The following LMBRD2 variants were observed in gnomAD, a reference collection of about 807,000 sequenced individuals.
LMBRD2 encodes the protein G protein-coupled receptor-associated protein LMBRD2.
In LMBRD2, 55 loss-of-function variants were observed where a neutral mutation model predicts 94.4. That is an observed-to-expected ratio of 0.58 (90% confidence interval 0.47 to 0.73). LMBRD2 has a LOEUF of 0.73. Ranked by LOEUF, LMBRD2 falls within the 30% of genes least tolerant of loss-of-function variation. The probability of loss-of-function intolerance (pLI) is 0.00; values close to 1 mark genes in which losing one functional copy is unlikely to be tolerated. For missense variants in LMBRD2, 640 were observed against 831.9 expected (o/e 0.77, Z 2.84); for synonymous variants, 246 against 272.4 (o/e 0.90, Z 0.95).
intron 16 of LMBRD2, 67 bp downstream of exon 16, chr5:36,108,462 CTAACA>C: frequency 1.5e-6 from 1 of 677,120 alleles, no homozygotes; most frequent in Non-Finnish European, 2.5e-6. Context: ...TGTGTGTATT[CTAACA>C]CTCAATCTCT....
chr5:36,142,890 A>T (rs1045140868), intron 2 of LMBRD2: 10 of 368,234 alleles, frequency 2.7e-5, no homozygotes, highest in African/African-American at 6.4e-5. Flanking sequence ...ACGTCCGGCT[A>T]TTTTTTTTGT....
rs1743371737 is a variant in LMBRD2, at chr5:36,102,669, TA to T, written c.*1376del. The T allele has an allele frequency of 6.6e-6, 1 of 151,656 alleles. No individual in the cohort carries two copies. The highest frequency in any genetic ancestry group is 1.5e-5 in the Non-Finnish European group (1 of 67,728). The allele number at this position is 151,656 out of a possible 1,614,324, so 9.4% of individuals were successfully genotyped here. On this transcript the variant is annotated 3_prime_UTR_variant, in exon 18 of 18. Transcript: ENST00000296603. ...AAAAAACTTACATGATAATATTTAT[TA>T]AAAATAAAAATAAAAATTTTAAATT...
intron 16 of LMBRD2, among the ~76,000 whole-genome samples, chr5:36,107,715 A>G (rs1056959026): frequency 6.6e-6 from 1 of 152,194 alleles, no homozygotes; most frequent in Non-Finnish European, 1.5e-5. Flanking sequence ...TAGTCCCTGC[A>G]TGGATATGGA....
intron 6 of LMBRD2, among the ~76,000 whole-genome samples, chr5:36,130,092 C>T (rs545476260): frequency 7.1e-4 from 108 of 152,044 alleles, no homozygotes; most frequent in Admixed American, 5.9e-3. Context: ...ATGTAAATGA[C>T]GAGTTAATGG....
chr5:36,117,894 C>A lies in LMBRD2; in HGVS notation c.1143G>T (p.Leu381Phe), dbSNP rs1162072883. The change falls in exon 10 of 18, where the codon TTG becomes TTT. Residue 381 changes from leucine (L) to phenylalanine (F), a missense_variant. Leu to Phe is a conservative substitution (Grantham distance 22, BLOSUM62 0). Transcript: ENST00000296603. ...PTFEWYWECL[L>F]RPWFYKILAV... ...CAAGTATCTTGTAAAACCATGGTCGCAAAAGACATTCCCAGTACCATTCTA... is the reference window on the plus strand; with the variant it reads ...CAAGTATCTTGTAAAACCATGGTCGAAAAAGACATTCCCAGTACCATTCTA... 6.2e-7 allele frequency: 1 copy of A among 1,610,320 alleles called. No individual in the cohort carries two copies.
Position 36,117,756 on chromosome 5 carries a change from T to A in LMBRD2, c.1281A>T (p.Thr427=), listed in dbSNP as rs148342800. 1 of 1,605,338 alleles carries A rather than the reference T, an allele frequency of 6.2e-7. No homozygotes were observed. The highest frequency in any genetic ancestry group is 1.3e-5 in the African/African-American group (1 of 74,542). The change falls in exon 10 of 18, where the codon ACA becomes ACT. Residue 427 remains threonine, a synonymous_variant. Transcript: ENST00000296603. Reference sequence around the variant, plus strand: ...TGACCTCGATATAAATATAATTATATGTTTTTTCTGCCAGCTGTATGAAGA... The same window carrying A: ...TGACCTCGATATAAATATAATTATAAGTTTTTTCTGCCAGCTGTATGAAGA... ...FAVFIQLAEK[T]YNYIYIEIAC...
intron 1 of LMBRD2, among the ~76,000 whole-genome samples, chr5:36,145,390 A>G (rs1189224365): frequency 6.6e-6 from 1 of 152,238 alleles, no homozygotes; most frequent in East Asian, 1.9e-4. Context: ...CAACAAAGTC[A>G]AATCTTATGT....
rs1385673184 is a variant in LMBRD2 at position 36,117,808 on chromosome 5, G to A, written c.1229C>T (p.Thr410Ile). The change falls in exon 10 of 18, where the codon ACT (threonine) becomes ATT (isoleucine). Residue 410 changes from threonine (T) to isoleucine (I), a missense_variant. Thr to Ile is a moderately conservative substitution (Grantham distance 89). This residue lies in a region of LMBRD2 where 457 missense variants were observed against 642.8 expected (regional missense o/e 0.71). Coordinates refer to ENST00000296603, the MANE Select transcript of LMBRD2 (RefSeq NM_001007527.2). ...VVWSECTFFS[T>I]TPVLSLFAVF... is the part of the protein sequence containing the mutation. ...CGCAAAGAGGGATAAGACAGGAGTA[G>A]TGCTAAAGAATGTGCACTCTGACCA... The A allele has an allele frequency of 6.2e-7, 1 of 1,613,836 alleles. No individual in the cohort carries two copies.
chr5:36,147,952 G>T (rs73080005), intron 1 of LMBRD2: 32 of 351,380 alleles, frequency 9.1e-5, no homozygotes, highest in African/African-American at 7.4e-4. Flanking sequence ...AAATATCTGA[G>T]TCTGATGAAT....
At position 36,098,706 on chromosome 5, in the gene LMBRD2, C is replaced by T. The variant is rs1267726446; in HGVS notation, c.*5340G>A. 1.3e-5 allele frequency: 2 copies of T among 151,916 alleles called. No homozygotes were observed. The highest frequency in any genetic ancestry group is 2.9e-5 in the Non-Finnish European group (2 of 67,898). The allele number at this position is 151,916 out of a possible 1,614,324, so 9.4% of individuals were successfully genotyped here. A position where few individuals can be genotyped will look rare whatever the true frequency, so the allele number is the denominator to read the frequency against. On this transcript the variant is annotated 3_prime_UTR_variant, in exon 18 of 18. Coordinates refer to ENST00000296603, the MANE Select transcript of LMBRD2 (RefSeq NM_001007527.2). ...TGCAAGTCAATCAATTTATCAAAAC[C>T]AAACTGAGCGAACACTATGCATAGA...
At chr5:36,138,325 G>T (rs1744319901) in intron 4 of LMBRD2, among the ~76,000 whole-genome samples, 1 of 152,142 alleles carries the variant, frequency 6.6e-6, no homozygotes, top group African/African-American at 2.4e-5. Flanking sequence ...AGTTTGGCTG[G>T]GTAGGATAAA....
At chr5:36,111,684 ATTTAC>A (rs753949279) in intron 13 of LMBRD2, among the ~76,000 whole-genome samples, 65 of 151,964 alleles carry the variant, frequency 4.3e-4, no homozygotes, top group Non-Finnish European at 7.5e-4. Context: ...CTTATTTGCT[ATTTAC>A]TTTAAATTTG....
Position 36,109,960 on chromosome 5 carries a change from A to G in LMBRD2, c.1776T>C (p.Gly592=). 1 of 1,606,956 alleles carries G rather than the reference A, an allele frequency of 6.2e-7. No individual in the cohort carries two copies. The highest frequency in any genetic ancestry group is 8.5e-7 in the Non-Finnish European group (1 of 1,174,450). Reference sequence around the variant, plus strand: ...CTGTACTTACTCTTCTTCGATTTTCACCTTCTTCTTGCCTTTGCCTTTTTC... The same window carrying G: ...CTGTACTTACTCTTCTTCGATTTTCGCCTTCTTCTTGCCTTTGCCTTTTTC... ...EKRKRQRQEE[G]ENRRREWKER... Residue 592 remains glycine, a synonymous_variant, in exon 15 of 18, where the codon GGT becomes GGC. Transcript: ENST00000296603.
chr5:36,112,402 C>T (rs1743633620), intron 13 of LMBRD2, among the ~76,000 whole-genome samples: 1 of 152,072 alleles, frequency 6.6e-6, no homozygotes, highest in Non-Finnish European at 1.5e-5. Context: ...GCAGGTAGGT[C>T]TGAATATTAA....
intron 17 of LMBRD2, among the ~76,000 whole-genome samples, chr5:36,104,325 A>G (rs1743415147): frequency 6.6e-6 from 1 of 152,012 alleles, no homozygotes; most frequent in Non-Finnish European, 1.5e-5. Context: ...TATATGCATG[A>G]CAGAGTGAGA....
rs1743339722 is a variant in LMBRD2, at chr5:36,101,201, C to A, written c.*2845G>T. On this transcript the variant is annotated 3_prime_UTR_variant, in exon 18 of 18. Coordinates refer to ENST00000296603, the MANE Select transcript of LMBRD2 (RefSeq NM_001007527.2). ...GCAAATTTTAATAATTAAACTTATT[C>A]TTTCTTTTGTTTTTTACAAAAATGC... The A allele has an allele frequency of 1.3e-5, 2 of 151,718 alleles. No homozygotes were observed. The highest frequency in any genetic ancestry group is 4.2e-4 in the South Asian group (2 of 4,812). The allele number at this position is 151,718 out of a possible 1,614,324, so 9.4% of individuals were successfully genotyped here. A position where few individuals can be genotyped will look rare whatever the true frequency, so the allele number is the denominator to read the frequency against.
Position 36,114,457 on chromosome 5 carries a change from A to T in LMBRD2, c.1607T>A (p.Leu536Ter). 1 of 1,562,760 alleles carries T rather than the reference A, an allele frequency of 6.4e-7. No individual in the cohort carries two copies. The highest frequency in any genetic ancestry group is 8.6e-7 in the Non-Finnish European group (1 of 1,160,694). ...AGTAGCAATGCAGAGAATTACCACC[A>T]ACATAGGATAATATATATAGAATCC... Reference protein sequence around the residue: ...ADGFYIYYPMLVVILCIATYF... With the variant: ...ADGFYIYYPM The change falls in exon 13 of 18, where the codon TTG (leucine) becomes TAG (stop). Residue 536 changes from leucine (L) to a stop codon, truncating the protein, a stop_gained. Transcript: ENST00000296603. LOFTEE classifies it high-confidence loss of function.
intron 13 of LMBRD2, among the ~76,000 whole-genome samples, chr5:36,113,139 G>A (rs1327551462): frequency 3.3e-5 from 5 of 152,090 alleles, no homozygotes; most frequent in East Asian, 1.9e-4. Context: ...CCAGCACCGC[G>A]CCCTGGGCCT....
chr5:36,122,089 A>G (rs539242912), intron 9 of LMBRD2, among the ~76,000 whole-genome samples, 191 bp downstream of exon 9: 1 of 152,290 alleles, frequency 6.6e-6, no homozygotes, highest in South Asian at 2.1e-4. Context: ...TAACAGTGGA[A>G]ACTGATGGAT....
Sources: gnomAD v4.1 joint callset for allele counts (sites outside exome capture counted in the v4.1 genomes callset) on GRCh38, gnomAD v4.1.1 for gene constraint, gnomAD v4.1.1 regional missense constraint, MANE v1.5 for transcripts, NCBI Gene and HGNC (gene_info 2026-07-23, HGNC 2026-07-21) for gene names.